Variants in IGDCC4 observed in about 807,000 individuals in gnomAD.
IGDCC4 encodes the protein immunoglobulin superfamily DCC subclass member 4.
A neutral mutation model predicts 116.6 loss-of-function variants in IGDCC4; 72 were observed. The ratio of observed to expected loss-of-function variants is 0.62; its 90% CI spans 0.51 to 0.75. The LOEUF is 0.75. Among genes scored for constraint, IGDCC4 ranks in the 30% least tolerant of loss-of-function variants. The pLI is 0.00. For synonymous variants in IGDCC4, 709 were observed against 719.9 expected (o/e 0.98, Z 0.24); for missense variants, 1,501 against 1,662.4 (o/e 0.90, Z 1.69).
intron 10 of IGDCC4, among the ~76,000 whole-genome samples, chr15:65,392,807 G>C (rs1262878850): frequency 6.6e-6 from 1 of 152,270 alleles, no homozygotes; most frequent in East Asian, 1.9e-4. Context: ...AGAGTGAGGA[G>C]CTTACAATGT....
intron 6 of IGDCC4, 52 bp from the exon 7 acceptor site, chr15:65,396,215 T>TGCCCCTCCCCCCCGTACCCCCAGCCC: frequency 7.6e-7 from 1 of 1,319,016 alleles, no homozygotes; most frequent in Non-Finnish European, 9.7e-7. Flanking sequence ...CTAAGGTCTC[T>TGCCCCTCCCCCCCGTACCCCCAGCCC]GCCCCCCCCC....
chr15:65,410,450 A>G (rs1595792118), intron 2 of IGDCC4, 131 bp from the exon 3 acceptor site: 3 of 1,056,888 alleles, frequency 2.8e-6, no homozygotes, highest in Admixed American at 2.1e-5. Flanking sequence ...AGCAGAGCCA[A>G]TTCAGACCGA....
At chr15:65,400,723 C>T (rs1442152505) in intron 5 of IGDCC4, 83 bp downstream of exon 5, 10 of 1,496,802 alleles carry the variant, frequency 6.7e-6, no homozygotes, top group Non-Finnish European at 8.1e-6. Flanking sequence ...GGTCGTCACC[C>T]ATACATCCCC....
intron 3 of IGDCC4, among the ~76,000 whole-genome samples, chr15:65,407,001 GT>G (rs2063046600): frequency 6.6e-6 from 1 of 152,126 alleles, no homozygotes; most frequent in South Asian, 2.1e-4. Context: ...AATTAAAGTT[GT>G]AATGTGATAC....
intron 5 of IGDCC4, among the ~76,000 whole-genome samples, chr15:65,399,001 T>C (rs1156296974): frequency 6.6e-6 from 1 of 152,218 alleles, no homozygotes; most frequent in Non-Finnish European, 1.5e-5. Flanking sequence ...ATGAAGCTCC[T>C]TTCCAGCCCT....
intron 3 of IGDCC4, among the ~76,000 whole-genome samples, chr15:65,406,731 C>T (rs1393210645): frequency 6.6e-6 from 1 of 152,194 alleles, no homozygotes; most frequent in African/African-American, 2.4e-5. Context: ...TGTGCCGGGA[C>T]ATGCGAGCCT....
At chr15:65,390,416 C>A in intron 12 of IGDCC4, 78 bp from the exon 13 acceptor site, 1 of 1,232,370 alleles carries the variant, frequency 8.1e-7, no homozygotes, top group South Asian at 2.2e-5. Flanking sequence ...TTACAGTTCC[C>A]AAGGCTGTTT....
At chr15:65,412,653 T>C (rs557781748) in intron 1 of IGDCC4, among the ~76,000 whole-genome samples, 1 of 151,632 alleles carries the variant, frequency 6.6e-6, no homozygotes, top group East Asian at 1.9e-4. Context: ...AGGCCAGGCA[T>C]GGCAGCTCAC....
chr15:65,395,203 C>T lies in IGDCC4; in HGVS notation c.1467G>A (p.Gln489=). Residue 489 remains glutamine (Q), a synonymous_variant, in exon 8 of 20, where the codon CAG becomes CAA. Coordinates refer to ENST00000352385, the MANE Select transcript of IGDCC4 (RefSeq NM_020962.3). ...CTGTGTTGGGTTCCAGGTCCCGAACCTGTAGTTCTGTGGTGTCGTTGTTCA... is the reference window on the plus strand; with the variant it reads ...CTGTGTTGGGTTCCAGGTCCCGAACTTGTAGTTCTGTGGTGTCGTTGTTCA... ...FAVNNDTTEL[Q]VRDLEPNTDY... 6.2e-7 allele frequency: 1 copy of T among 1,613,988 alleles called. No individual in the cohort carries two copies.
chr15:65,386,617 C>A lies in IGDCC4; in HGVS notation c.2885G>T (p.Gly962Val), dbSNP rs1442066252. The change falls in exon 17 of 20, where the codon GGT becomes GTT. Residue 962 changes from glycine to valine, a missense_variant. Transcript: ENST00000352385. ...GAGGCAGAGGAGGCCCAGGCAGACA[C>A]CCACGATGATGCCCGTGACTGAGTG... ...DMHSVTGIIV[G>V]VCLGLLCLLA... 6.2e-7 allele frequency: 1 copy of A among 1,612,510 alleles called. No individual in the cohort carries two copies. The highest frequency in any genetic ancestry group is 8.5e-7 in the Non-Finnish European group (1 of 1,179,816).
rs1376310203 is a variant in IGDCC4, at chr15:65,386,540, C to T, written c.2951+11G>A. The T allele has an allele frequency of 2.6e-5, 42 of 1,587,112 alleles. No homozygotes were observed. Among genetic ancestry groups the T allele is most frequent in the Non-Finnish European group, 3.4e-5 (40 of 1,169,980 alleles). On this transcript the variant is annotated intron_variant, in intron 17 of 19. Coordinates refer to ENST00000352385, the MANE Select transcript of IGDCC4 (RefSeq NM_020962.3). ...TCCCTTCCCTGAAGTCAGACTGGCT[C>T]CCCTGCTCACCTGTGGGGGCTGCGG...
At chr15:65,400,036 G>A (rs1198609942) in intron 5 of IGDCC4, among the ~76,000 whole-genome samples, 1 of 152,196 alleles carries the variant, frequency 6.6e-6, no homozygotes, top group African/African-American at 2.4e-5. Context: ...GCCTCTCTGA[G>A]CCTCAGTTTC....
At chr15:65,391,248 C>T (rs2091512087) in intron 12 of IGDCC4, among the ~76,000 whole-genome samples, 1 of 152,100 alleles carries the variant, frequency 6.6e-6, no homozygotes, top group Non-Finnish European at 1.5e-5. Flanking sequence ...AAAAAAGAAC[C>T]CAAGCTTCAT....
At chr15:65,418,976 T>C (rs1187936641) in intron 1 of IGDCC4, among the ~76,000 whole-genome samples, 1 of 152,186 alleles carries the variant, frequency 6.6e-6, no homozygotes, top group Non-Finnish European at 1.5e-5. Flanking sequence ...TTTCAGTCCC[T>C]AATCATGTAA....
In IGDCC4 at chr15:65,402,341, G is replaced by GCC; in HGVS notation, c.700+8_700+9dup. Reference sequence around the variant, plus strand: ...ACCCCCAGGTTTCCCCACCCAGCCAGCCCCCTTACCTCTGTGGGCCACACT... The same window carrying GCC: ...ACCCCCAGGTTTCCCCACCCAGCCAGCCCCCCCTTACCTCTGTGGGCCACACT... On this transcript the variant is annotated intron_variant, in intron 4 of 19. Transcript: ENST00000352385. 1.9e-6 allele frequency: 3 copies of GCC among 1,559,254 alleles called. No individual in the cohort carries two copies. The highest frequency in any genetic ancestry group is 2.6e-6 in the Non-Finnish European group (3 of 1,151,174).
rs1017498644 is a variant in IGDCC4, at chr15:65,382,378, CAA to C, written c.*1629_*1630del. 1 of 144,866 alleles carries C rather than the reference CAA, an allele frequency of 6.9e-6. No homozygotes were observed. Among genetic ancestry groups the C allele is most frequent in the Non-Finnish European group, 1.5e-5 (1 of 66,894 alleles). 9.0% of individuals were successfully genotyped at this position (144,866 alleles called of 1,614,324 possible). A position where few individuals can be genotyped will look rare whatever the true frequency, so the allele number is the denominator to read the frequency against. ...ATGCTTTCAGGGTTTGAGGAAGCCG[CAA>C]CTGTGCTGAGAGACATTCCACCATT... On this transcript the variant is annotated 3_prime_UTR_variant, in exon 20 of 20. Transcript: ENST00000352385.
In IGDCC4 at chr15:65,384,773, G is replaced by T; in HGVS notation, c.3342+181C>A. The T allele has an allele frequency of 1.3e-6, 1 of 766,436 alleles. No individual in the cohort carries two copies. Among genetic ancestry groups the T allele is most frequent in the Non-Finnish European group, 2.0e-6 (1 of 494,424 alleles). The allele number at this position is 766,436 out of a possible 1,614,324, so 47.5% of individuals were successfully genotyped here. ...CTGTTTTCAACCCAGGTTGAAACAG[G>T]TTCCTGCAAACTGGCCTGCCCTCCA... On this transcript the variant is annotated intron_variant, in intron 19 of 19. Coordinates refer to ENST00000352385, the MANE Select transcript of IGDCC4 (RefSeq NM_020962.3). The surrounding 1 kb of genome is among the most constrained non-coding windows in gnomAD (Gnocchi z 4.9).
chr15:65,422,519 AACACACAC>A (rs140587709), intron 1 of IGDCC4, among the ~76,000 whole-genome samples: 126 of 131,318 alleles, frequency 9.6e-4, no homozygotes, highest in East Asian at 4.8e-3. Flanking sequence ...GAGCACTCCC[AACACACAC>A]ACACACACAC....
intron 5 of IGDCC4, among the ~76,000 whole-genome samples, chr15:65,398,172 G>A (rs1360869024): frequency 6.6e-6 from 1 of 152,154 alleles, no homozygotes; most frequent in African/African-American, 2.4e-5. Flanking sequence ...GTAGTGGAGT[G>A]TTTGAGTGTT....
Sources: gnomAD v4.1 joint callset for allele counts (sites outside exome capture counted in the v4.1 genomes callset) on GRCh38, gnomAD v4.1.1 for gene constraint, Gnocchi (gnomAD v3.1) non-coding constraint, MANE v1.5 for transcripts, NCBI Gene and HGNC (gene_info 2026-07-23, HGNC 2026-07-21) for gene names.